Variants in HDAC9 observed in about 807,000 individuals in gnomAD.
HDAC9 encodes the protein histone deacetylase 9.
A neutral mutation model predicts 139.4 loss-of-function variants in HDAC9; 41 were observed. The ratio of observed to expected loss-of-function variants is 0.29; its 90% CI spans 0.23 to 0.38. The LOEUF is 0.38. Ranked by LOEUF, HDAC9 falls within the 10% of genes least tolerant of loss-of-function variation. The probability of loss-of-function intolerance (pLI) is 1.00; values close to 1 mark genes in which losing one functional copy is unlikely to be tolerated. For synonymous variants in HDAC9, 517 were observed against 476.2 expected, an observed-to-expected ratio of 1.09 and a Z score of -1.12; for missense variants, 1,147 against 1,297.0, an observed-to-expected ratio of 0.88 and a Z score of 1.78.
intron 13 of HDAC9, among the ~76,000 whole-genome samples, chr7:18,732,568 T>C (rs1786182025): frequency 7.6e-6 from 1 of 132,328 alleles, no homozygotes; most frequent in South Asian, 2.6e-4. Context: ...CACGTGTATA[T>C]ATGTGCATGT....
chr7:18,325,370 T>C (rs1477983464), intron 1 of HDAC9: 2 of 152,142 alleles, frequency 1.3e-5, no homozygotes, highest in African/African-American at 2.4e-5. Flanking sequence ...TATCCTCCTT[T>C]TAATAGGACT....
intron 4 of HDAC9, 68 bp from the exon 5 acceptor site, chr7:18,591,448 A>G: frequency 6.7e-7 from 1 of 1,481,588 alleles, no homozygotes; most frequent in Non-Finnish European, 9.0e-7. Context: ...GACAAAACTC[A>G]CCATCAACAT....
At chr7:18,617,363 C>G (rs1011871644) in intron 6 of HDAC9, among the ~76,000 whole-genome samples, 1 of 152,144 alleles carries the variant, frequency 6.6e-6, no homozygotes, top group African/African-American at 2.4e-5. Context: ...CCCCAGTCCA[C>G]TACCTCATAC....
intron 2 of HDAC9, among the ~76,000 whole-genome samples, chr7:18,505,320 G>T (rs1172660317): frequency 6.6e-6 from 1 of 152,102 alleles, no homozygotes; most frequent in Admixed American, 6.6e-5. Context: ...GCATTATGGG[G>T]TTCATTTATT....
chr7:18,528,027 A>C (rs752306670), intron 2 of HDAC9, among the ~76,000 whole-genome samples: 41 of 152,066 alleles, frequency 2.7e-4, no homozygotes, highest in Non-Finnish European at 7.4e-5. Context: ...ATGGTGGTTC[A>C]CTTCTGTAAT....
intron 1 of HDAC9, among the ~76,000 whole-genome samples, chr7:18,088,425 C>T (rs1781935755): frequency 6.6e-6 from 1 of 152,100 alleles, no homozygotes. Flanking sequence ...CTTGCAGGCA[C>T]TGTCGAAATC....
At chr7:18,423,369 C>T (rs1789820231) in intron 1 of HDAC9, among the ~76,000 whole-genome samples, 1 of 152,068 alleles carries the variant, frequency 6.6e-6, no homozygotes. Flanking sequence ...ATTTCTTTGA[C>T]AATATTAAAA....
intron 2 of HDAC9, among the ~76,000 whole-genome samples, chr7:18,267,958 T>C (rs778987999): frequency 4.6e-5 from 7 of 152,146 alleles, no homozygotes; most frequent in East Asian, 1.9e-4. Flanking sequence ...ACCATTCTTA[T>C]AGTATTTCCA....
At chr7:18,817,961 T>C (rs1332255295) in intron 17 of HDAC9, among the ~76,000 whole-genome samples, 2 of 152,216 alleles carry the variant, frequency 1.3e-5, no homozygotes, top group Non-Finnish European at 2.9e-5. Context: ...AAAAAATGCT[T>C]CTTAAAGTCA....
chr7:18,660,744 C>T (rs893757196), intron 11 of HDAC9, among the ~76,000 whole-genome samples: 2 of 152,044 alleles, frequency 1.3e-5, no homozygotes, highest in African/African-American at 2.4e-5. Context: ...GAGAGCACGG[C>T]GTAGACTCAG....
At chr7:18,678,139 T>C (rs1277583090) in intron 12 of HDAC9, among the ~76,000 whole-genome samples, 1 of 151,930 alleles carries the variant, frequency 6.6e-6, no homozygotes, top group Non-Finnish European at 1.5e-5. Flanking sequence ...CTGAGCTCTT[T>C]ATTTTATTCC....
chr7:18,902,786 G>C (rs554237607), intron 22 of HDAC9, among the ~76,000 whole-genome samples: 1 of 152,298 alleles, frequency 6.6e-6, no homozygotes, highest in East Asian at 1.9e-4. Flanking sequence ...CTGAGGAATG[G>C]AAAAGTTTGG....
intron 14 of HDAC9, among the ~76,000 whole-genome samples, chr7:18,749,706 C>G (rs986507257): frequency 6.6e-6 from 1 of 151,900 alleles, no homozygotes; most frequent in Non-Finnish European, 1.5e-5. Context: ...AAAAATATAC[C>G]TTTTTATGCT....
intron 6 of HDAC9, among the ~76,000 whole-genome samples, chr7:18,614,889 G>A (rs544153532): frequency 1.3e-5 from 2 of 152,310 alleles, no homozygotes; most frequent in African/African-American, 4.8e-5. Context: ...GTATTATGGA[G>A]TGTTTCATGA....
intron 22 of HDAC9, among the ~76,000 whole-genome samples, chr7:18,887,896 G>A (rs887204056): frequency 2.0e-5 from 3 of 152,114 alleles, no homozygotes; most frequent in African/African-American, 7.2e-5. Context: ...TGTGGCCACA[G>A]AGAAGTCATC....
chr7:18,306,159 C>A (rs1798893990), intron 1 of HDAC9, among the ~76,000 whole-genome samples: 1 of 152,150 alleles, frequency 6.6e-6, no homozygotes, highest in Non-Finnish European at 1.5e-5. Context: ...CTGGGGAACT[C>A]TGGAAATCTC....
At chr7:18,712,086 A>G (rs1381984177) in intron 12 of HDAC9, among the ~76,000 whole-genome samples, 1 of 152,210 alleles carries the variant, frequency 6.6e-6, no homozygotes, top group African/African-American at 2.4e-5. Flanking sequence ...GTCATGGCTC[A>G]TCAGGTTTGC....
At chr7:18,871,774 A>G (rs761815431) in intron 21 of HDAC9, among the ~76,000 whole-genome samples, 3 of 152,224 alleles carry the variant, frequency 2.0e-5, no homozygotes, top group Non-Finnish European at 2.9e-5. Context: ...TGGCATAAAT[A>G]GAACAGTGAA....
intron 23 of HDAC9, among the ~76,000 whole-genome samples, chr7:18,942,235 A>G (rs920649369): frequency 6.6e-6 from 1 of 152,104 alleles, no homozygotes; most frequent in Non-Finnish European, 1.5e-5. Context: ...ATATTTTAAC[A>G]TTTAATTGGT....
Sources: allele counts gnomAD v4.1 joint callset (sites outside exome capture counted in the v4.1 genomes callset), GRCh38; gene constraint gnomAD v4.1.1; transcripts MANE v1.5; gene names NCBI Gene and HGNC (gene_info 2026-07-23, HGNC 2026-07-21).